Variants in NTM observed in about 807,000 individuals in gnomAD.
NTM encodes the protein IgLON family member 2.
NTM carries 13 observed loss-of-function variants against 42.1 expected under a neutral mutation model. The ratio of observed to expected loss-of-function variants is 0.31; its 90% CI spans 0.20 to 0.49. The LOEUF is 0.49. Ranked by LOEUF, NTM falls within the 20% of genes least tolerant of loss-of-function variation. The pLI is 0.99. For synonymous variants in NTM, 187 were observed against 179.2 expected (o/e 1.04, Z -0.35); for missense variants, 373 against 452.8 (o/e 0.82, Z 1.60).
intron 1 of NTM, among the ~76,000 whole-genome samples, chr11:131,572,874 A>G (rs1332440176): frequency 6.6e-6 from 1 of 152,204 alleles, no homozygotes; most frequent in Non-Finnish European, 1.5e-5. Flanking sequence ...AGGTGGAGTG[A>G]GAACGGGTTC....
At chr11:131,712,157 A>ATAAAAAT (rs2077228417) in intron 1 of NTM, among the ~76,000 whole-genome samples, 1 of 147,188 alleles carries the variant, frequency 6.8e-6, no homozygotes, top group Non-Finnish European at 1.5e-5. Context: ...AAATAAAAAA[A>ATAAAAAT]TAAAAATTAA....
At chr11:131,595,058 T>C (rs909578376) in intron 1 of NTM, among the ~76,000 whole-genome samples, 1 of 152,230 alleles carries the variant, frequency 6.6e-6, no homozygotes, top group Non-Finnish European at 1.5e-5. Flanking sequence ...CAGTGTCTAA[T>C]GCACCTGCGT....
chr11:131,789,220 C>T (rs1417142486), intron 1 of NTM, among the ~76,000 whole-genome samples: 2 of 151,162 alleles, frequency 1.3e-5, no homozygotes, highest in African/African-American at 4.9e-5. Flanking sequence ...GTGACTGGTT[C>T]CCTCTACACA....
intron 1 of NTM, among the ~76,000 whole-genome samples, chr11:131,545,174 G>T (rs1313872640): frequency 6.6e-6 from 1 of 152,084 alleles, no homozygotes. Flanking sequence ...GTGAAAATGG[G>T]TATCATTTCT....
chr11:131,490,835 A>T (rs943020220), intron 1 of NTM, among the ~76,000 whole-genome samples: 1 of 152,246 alleles, frequency 6.6e-6, no homozygotes, highest in Non-Finnish European at 1.5e-5. Context: ...ACCTGAGAGA[A>T]ATTTGAGTTG....
chr11:132,304,560 TG>T (rs1565432674), intron 4 of NTM, among the ~76,000 whole-genome samples: 1 of 152,174 alleles, frequency 6.6e-6, no homozygotes, highest in African/African-American at 2.4e-5. Flanking sequence ...TTTAGTGTTT[TG>T]GGGGGCTTGT....
At chr11:131,437,846 G>T (rs1053362041) in intron 1 of NTM, among the ~76,000 whole-genome samples, 6 of 152,140 alleles carry the variant, frequency 3.9e-5, no homozygotes, top group African/African-American at 1.2e-4. Flanking sequence ...TGGTTATTTT[G>T]CCCGTTAGTT....
chr11:131,843,525 C>T (rs928366701), intron 1 of NTM, among the ~76,000 whole-genome samples: 1 of 152,180 alleles, frequency 6.6e-6, no homozygotes, highest in African/African-American at 2.4e-5. Context: ...ATTGCAAGAC[C>T]TGTGGGCTGT....
At chr11:131,573,395 T>C (rs2057639067) in intron 1 of NTM, among the ~76,000 whole-genome samples, 1 of 152,130 alleles carries the variant, frequency 6.6e-6, no homozygotes, top group African/African-American at 2.4e-5. Context: ...AAAACCAACA[T>C]AAACTAGCCT....
intron 1 of NTM, among the ~76,000 whole-genome samples, chr11:131,864,433 CA>C (rs2046939416): frequency 6.6e-6 from 1 of 152,192 alleles, no homozygotes; most frequent in Non-Finnish European, 1.5e-5. Context: ...AAGACTATCA[CA>C]AAGGCTAATT....
intron 4 of NTM, among the ~76,000 whole-genome samples, chr11:132,296,580 A>G (rs893027766): frequency 6.6e-6 from 1 of 152,186 alleles, no homozygotes; most frequent in Admixed American, 6.5e-5. Flanking sequence ...ACCAGTTCCT[A>G]AGAGACGTCG....
At chr11:131,810,772 T>A (rs764103541) in intron 1 of NTM, among the ~76,000 whole-genome samples, 3 of 152,182 alleles carry the variant, frequency 2.0e-5, no homozygotes, top group Non-Finnish European at 2.9e-5. Flanking sequence ...AAAGGACTTT[T>A]AGAGGGATCA....
intron 1 of NTM, among the ~76,000 whole-genome samples, chr11:131,529,946 A>G (rs1045261376): frequency 6.6e-6 from 1 of 151,792 alleles, no homozygotes; most frequent in African/African-American, 2.4e-5. Context: ...CCCCTCACAC[A>G]CTATTACAGA....
intron 1 of NTM, among the ~76,000 whole-genome samples, chr11:131,704,764 G>C (rs1459573602): frequency 1.3e-5 from 2 of 152,032 alleles, no homozygotes; most frequent in African/African-American, 4.8e-5. Context: ...AAAATAATAA[G>C]TTCAACAAAA....
At chr11:132,055,671 G>C (rs116212375) in intron 2 of NTM, among the ~76,000 whole-genome samples, 1,951 of 97,392 alleles carry the variant, frequency 0.02, 47 homozygotes, top group African/African-American at 0.067. Context: ...GAGCGAGAGT[G>C]AGAGAGAGAG....
At chr11:132,031,221 T>C (rs2075876612) in intron 2 of NTM, among the ~76,000 whole-genome samples, 1 of 152,116 alleles carries the variant, frequency 6.6e-6, no homozygotes, top group African/African-American at 2.4e-5. Context: ...GTGTGGTTTT[T>C]GACTTTTACT....
intron 2 of NTM, among the ~76,000 whole-genome samples, chr11:131,956,012 T>C (rs773947946): frequency 3.9e-5 from 6 of 152,150 alleles, no homozygotes; most frequent in Non-Finnish European, 8.8e-5. Flanking sequence ...TTTCTGAACA[T>C]GCTCAGGCAC....
At chr11:131,459,957 A>G (rs7128078) in intron 1 of NTM, among the ~76,000 whole-genome samples, 9,238 of 152,196 alleles carry the variant, frequency 0.061, 648 homozygotes, top group East Asian at 0.22. Context: ...AAATAAAACA[A>G]TTGTCTCAAA....
intron 1 of NTM, among the ~76,000 whole-genome samples, chr11:131,483,558 A>C (rs2136247447): frequency 6.6e-6 from 1 of 152,366 alleles, no homozygotes; most frequent in African/African-American, 2.4e-5. Flanking sequence ...TAAGTTCTTA[A>C]GGAGAGGCGG....
Sources: gnomAD v4.1 joint callset for allele counts (sites outside exome capture counted in the v4.1 genomes callset) on GRCh38, gnomAD v4.1.1 for gene constraint, MANE v1.5 for transcripts, NCBI Gene and HGNC (gene_info 2026-07-23, HGNC 2026-07-21) for gene names.